The following MC2R variants were observed in gnomAD, a reference collection of about 807,000 sequenced individuals.
The protein encoded by MC2R is melanocortin 2 receptor.
A neutral mutation model predicts 9.8 loss-of-function variants in MC2R; 9 were observed. The ratio of observed to expected loss-of-function variants is 0.92; its 90% CI spans 0.55 to 1.60. The LOEUF is 1.60. Among genes scored for constraint, MC2R ranks in the 40% most tolerant of loss-of-function variants. The pLI, the probability that MC2R is intolerant of heterozygous loss-of-function variation, is 0.00. For synonymous variants in MC2R, 185 were observed against 154.7 expected (o/e 1.20, Z -1.45); for missense variants, 370 against 389.0 (o/e 0.95, Z 0.41).
chr18:13,893,876 CT>C (rs2045331137), intron 1 of MC2R, among the ~76,000 whole-genome samples: 1 of 152,134 alleles, frequency 6.6e-6, no homozygotes, highest in East Asian at 1.9e-4. Context: ...AGGAGTGATA[CT>C]CTGTTATGGA....
intron 1 of MC2R, among the ~76,000 whole-genome samples, chr18:13,903,712 G>A (rs113302278): frequency 2.6e-5 from 4 of 152,170 alleles, no homozygotes; most frequent in African/African-American, 9.7e-5. Context: ...CTGGAGGGAG[G>A]TGGGGATGGT....
chr18:13,912,871 C>T lies in MC2R; in HGVS notation c.-129+2617G>A, dbSNP rs150697458. Among the ~76,000 whole-genome samples, 82 of 152,150 alleles carry T rather than the reference C, an allele frequency of 5.4e-4. 1 individual carries two copies. Among genetic ancestry groups the T allele is most frequent in the African/African-American group, 1.8e-3 (74 of 41,520 alleles). On this transcript the variant is annotated intron_variant, in intron 1 of 1. Coordinates refer to ENST00000327606, the MANE Select transcript of MC2R (RefSeq NM_000529.2). The stretch of plus-strand genomic sequence containing the variant: ...CCAGCGCACATCTTGTTTTGAATTC[C>T]GCATAGGCTCAATTATGAGAGGCCT...
intron 1 of MC2R, among the ~76,000 whole-genome samples, chr18:13,892,972 G>A (rs965324513): frequency 1.3e-5 from 2 of 152,208 alleles, no homozygotes; most frequent in African/African-American, 2.4e-5. Context: ...GATTACAGGC[G>A]TGAGTCACTA....
intron 1 of MC2R, among the ~76,000 whole-genome samples, chr18:13,909,078 G>A (rs942713193): frequency 6.6e-6 from 1 of 152,046 alleles, no homozygotes; most frequent in Middle Eastern, 3.2e-3. Context: ...CCAGGACATG[G>A]TATTATTACC....
At chr18:13,898,641 C>A (rs2149139738) in intron 1 of MC2R, among the ~76,000 whole-genome samples, 1 of 152,346 alleles carries the variant, frequency 6.6e-6, no homozygotes, top group Non-Finnish European at 1.5e-5. Context: ...GCTTGCGTCA[C>A]TCCACCCCCA....
intron 1 of MC2R, among the ~76,000 whole-genome samples, chr18:13,904,133 G>T (rs551951900): frequency 6.6e-6 from 1 of 151,970 alleles, no homozygotes; most frequent in African/African-American, 2.4e-5. Flanking sequence ...CCAGCAGTCT[G>T]GGAGGAAGAG....
intron 1 of MC2R, among the ~76,000 whole-genome samples, chr18:13,894,731 A>C (rs910002883): frequency 6.6e-6 from 1 of 151,362 alleles, no homozygotes; most frequent in African/African-American, 2.4e-5. Context: ...CAGCTGGCCC[A>C]GGCCTCTTAT....
At chr18:13,911,347 C>T (rs1463638011) in intron 1 of MC2R, among the ~76,000 whole-genome samples, 1 of 152,198 alleles carries the variant, frequency 6.6e-6, no homozygotes, top group Non-Finnish European at 1.5e-5. Context: ...CTTCCCTGCA[C>T]AGTCCCATTT....
chr18:13,889,593 G>A (rs947953837), intron 1 of MC2R, among the ~76,000 whole-genome samples: 5 of 152,060 alleles, frequency 3.3e-5, no homozygotes, highest in African/African-American at 1.2e-4. Flanking sequence ...ACTCAAATGT[G>A]GCCCCAAATG....
intron 1 of MC2R, among the ~76,000 whole-genome samples, chr18:13,904,292 A>G (rs966306141): frequency 2.6e-5 from 4 of 151,046 alleles, no homozygotes; most frequent in Non-Finnish European, 5.9e-5. Flanking sequence ...GAGGCAGGAG[A>G]ATGGCGTGAA....
chr18:13,897,153 C>A (rs1402081865), intron 1 of MC2R, among the ~76,000 whole-genome samples: 1 of 152,066 alleles, frequency 6.6e-6, no homozygotes, highest in African/African-American at 2.4e-5. Context: ...CAGACACCAC[C>A]CCCCCAAACC....
intron 1 of MC2R, among the ~76,000 whole-genome samples, chr18:13,887,892 G>A (rs1477527471): frequency 6.6e-6 from 1 of 152,038 alleles, no homozygotes; most frequent in Non-Finnish European, 1.5e-5. Context: ...ATAACTGTGT[G>A]TGCCAATTCC....
At chr18:13,895,799 T>C (rs1364341156) in intron 1 of MC2R, among the ~76,000 whole-genome samples, 4 of 152,014 alleles carry the variant, frequency 2.6e-5, no homozygotes, top group East Asian at 3.9e-4. Flanking sequence ...GAAATACCAC[T>C]GGCACTAGCA....
intron 1 of MC2R, among the ~76,000 whole-genome samples, chr18:13,908,513 A>G (rs1204645979): frequency 6.6e-6 from 1 of 152,206 alleles, no homozygotes; most frequent in East Asian, 1.9e-4. Context: ...AATGGCTAGA[A>G]GAGAAGAATT....
At chr18:13,888,349 A>T (rs2045290224) in intron 1 of MC2R, among the ~76,000 whole-genome samples, 1 of 152,186 alleles carries the variant, frequency 6.6e-6, no homozygotes, top group Non-Finnish European at 1.5e-5. Flanking sequence ...TGGGGGCTGC[A>T]GGTGGTGTGT....
chr18:13,911,573 C>A (rs1344537676), intron 1 of MC2R, among the ~76,000 whole-genome samples: 1 of 152,146 alleles, frequency 6.6e-6, no homozygotes, highest in Non-Finnish European at 1.5e-5. Flanking sequence ...TTCGCCCCAC[C>A]TTTAAAAAGT....
intron 1 of MC2R, among the ~76,000 whole-genome samples, chr18:13,886,066 G>A (rs1038671285): frequency 1.3e-5 from 2 of 148,606 alleles, no homozygotes; most frequent in African/African-American, 2.5e-5. Context: ...GGACATTGGA[G>A]ACTCGGAAGG....
chr18:13,892,637 T>A (rs906794539), intron 1 of MC2R, among the ~76,000 whole-genome samples: 1 of 152,198 alleles, frequency 6.6e-6, no homozygotes, highest in Non-Finnish European at 1.5e-5. Flanking sequence ...ATGAACTTTT[T>A]TTTTTCTTCA....
At chr18:13,907,171 G>A (rs79973859) in intron 1 of MC2R, among the ~76,000 whole-genome samples, 1,890 of 152,270 alleles carry the variant, frequency 0.012, 23 homozygotes, top group African/African-American at 0.043. Flanking sequence ...CATAAAAACA[G>A]TTACACAGAT....
Sources: gnomAD v4.1 joint callset for allele counts (sites outside exome capture counted in the v4.1 genomes callset) on GRCh38, gnomAD v4.1.1 for gene constraint, MANE v1.5 for transcripts, NCBI Gene and HGNC (gene_info 2026-07-23, HGNC 2026-07-21) for gene names.